Variants in ATXN1 observed in about 807,000 individuals in gnomAD.
ATXN1 encodes ataxin-1.
ATXN1 carries 8 observed loss-of-function variants against 56.4 expected under a neutral mutation model. That is an observed-to-expected ratio of 0.14 (90% CI 0.08 to 0.26). The LOEUF (loss-of-function observed/expected upper bound fraction) is 0.26. ATXN1 is among the 10% of genes least tolerant of loss of function. The pLI is 1.00. For missense variants in ATXN1, 987 were observed against 1,106.5 expected, an observed-to-expected ratio of 0.89 and a Z score of 1.53; for synonymous variants, 514 against 494.6, an observed-to-expected ratio of 1.04 and a Z score of -0.52.
chr6:16,656,186 A>AC (rs371945588), intron 3 of ATXN1, among the ~76,000 whole-genome samples: 6 of 151,706 alleles, frequency 4.0e-5, no homozygotes, highest in African/African-American at 9.7e-5. Context: ...GCCAGGAGGG[A>AC]CCCCCCGAGG....
chr6:16,487,380 G>T (rs1476086505), intron 5 of ATXN1, among the ~76,000 whole-genome samples: 1 of 152,048 alleles, frequency 6.6e-6, no homozygotes, highest in Non-Finnish European at 1.5e-5. Context: ...AGGCAAGAAT[G>T]AATAATAACA....
At chr6:16,543,316 G>T (rs1394836788) in intron 4 of ATXN1, among the ~76,000 whole-genome samples, 1 of 152,080 alleles carries the variant, frequency 6.6e-6, no homozygotes, top group Non-Finnish European at 1.5e-5. Context: ...CCCATGACAG[G>T]AAAACTGATA....
intron 3 of ATXN1, among the ~76,000 whole-genome samples, chr6:16,595,291 T>C (rs1024744082): frequency 1.6e-4 from 24 of 152,198 alleles, no homozygotes; most frequent in Admixed American, 3.3e-4. Context: ...TTCTTTCCTC[T>C]CCAAAAGAAT....
Position 16,304,000 on chromosome 6 carries a change from A to G in ATXN1, c.*2329T>C, listed in dbSNP as rs1375204712. 6.6e-6 allele frequency: 1 copy of G among 152,562 alleles called. No individual in the cohort carries two copies. Among genetic ancestry groups the G allele is most frequent in the Non-Finnish European group, 1.5e-5 (1 of 68,028 alleles). The allele number at this position is 152,562 out of a possible 1,614,324, so 9.5% of individuals were successfully genotyped here. On this transcript the variant is annotated 3_prime_UTR_variant, in exon 8 of 8. Coordinates refer to ENST00000436367, the MANE Select transcript of ATXN1 (RefSeq NM_001128164.2). The surrounding 1 kb of genome is among the most constrained non-coding windows in gnomAD (Gnocchi z 4.3). ...TGAGCCCACCCAGCTCTCTGCAAGC[A>G]TGCTGAGAGGGTAATGAAATTCGAG...
At chr6:16,421,849 T>C (rs1196274972) in intron 6 of ATXN1, among the ~76,000 whole-genome samples, 2 of 152,148 alleles carry the variant, frequency 1.3e-5, no homozygotes, top group Non-Finnish European at 2.9e-5. Flanking sequence ...TGACTGTGCA[T>C]GTATATGTAC....
chr6:16,402,592 T>C (rs1027664325), intron 6 of ATXN1, among the ~76,000 whole-genome samples: 2 of 152,202 alleles, frequency 1.3e-5, no homozygotes, highest in Non-Finnish European at 2.9e-5. Flanking sequence ...ACCAGATCTA[T>C]AATGCATGCA....
intron 4 of ATXN1, among the ~76,000 whole-genome samples, chr6:16,530,646 A>G (rs1431732040): frequency 6.6e-6 from 1 of 152,182 alleles, no homozygotes; most frequent in Non-Finnish European, 1.5e-5. Context: ...AAAATAACTA[A>G]TGGTTACTAG....
intron 4 of ATXN1, among the ~76,000 whole-genome samples, chr6:16,565,414 T>A (rs1056772281): frequency 2.0e-5 from 3 of 152,206 alleles, no homozygotes. Context: ...CTGATAAACA[T>A]GCCAAAATAT....
At chr6:16,714,066 A>G (rs1261367977) in intron 2 of ATXN1, among the ~76,000 whole-genome samples, 2 of 151,962 alleles carry the variant, frequency 1.3e-5, no homozygotes, top group African/African-American at 4.8e-5. Flanking sequence ...TGAGGCAGAG[A>G]ATCACTTGAA....
chr6:16,590,088 TA>T (rs200410883), intron 3 of ATXN1, among the ~76,000 whole-genome samples: 78 of 149,462 alleles, frequency 5.2e-4, no homozygotes, highest in African/African-American at 1.5e-3. Flanking sequence ...TTTCTTTTGC[TA>T]AAAAAAAAAT....
In ATXN1 at chr6:16,562,465, G is replaced by C. The variant is rs202157043; in HGVS notation, c.-361+23315C>G. On this transcript the variant is annotated intron_variant, in intron 4 of 7. Coordinates refer to ENST00000436367, the MANE Select transcript of ATXN1 (RefSeq NM_001128164.2). Reference sequence around the variant, plus strand: ...AGAAAAGAAAGAAAAGGAGAGGAGAGGAGAGGAGAGGAGAGGAGAGGAAAG... The same window carrying C: ...AGAAAAGAAAGAAAAGGAGAGGAGACGAGAGGAGAGGAGAGGAGAGGAAAG... Among the ~76,000 whole-genome samples the C allele has an allele frequency of 3.6e-4, 37 of 102,470 alleles. No individual in the cohort carries two copies. The East Asian group carries it at 0.014, about 38-fold the overall frequency. 67.2% of individuals were successfully genotyped at this position (102,470 alleles called of 152,430 possible).
intron 6 of ATXN1, among the ~76,000 whole-genome samples, chr6:16,479,109 T>C (rs1021721819): frequency 1.2e-4 from 18 of 152,172 alleles, no homozygotes; most frequent in Admixed American, 3.3e-4. Flanking sequence ...GTTTTGGAAA[T>C]AAAAGATTAT....
intron 3 of ATXN1, among the ~76,000 whole-genome samples, chr6:16,628,840 C>G (rs1191963441): frequency 6.6e-6 from 1 of 152,082 alleles, no homozygotes; most frequent in East Asian, 1.9e-4. Flanking sequence ...GTAATATGTA[C>G]CACATTTTTT....
At chr6:16,464,280 C>T (rs181465885) in intron 6 of ATXN1, among the ~76,000 whole-genome samples, 20 of 152,196 alleles carry the variant, frequency 1.3e-4, no homozygotes, top group African/African-American at 4.6e-4. Context: ...GTAAAACGCA[C>T]CAATTAGTGC....
At chr6:16,704,724 G>C (rs899561344) in intron 2 of ATXN1, among the ~76,000 whole-genome samples, 1 of 152,184 alleles carries the variant, frequency 6.6e-6, no homozygotes, top group Non-Finnish European at 1.5e-5. Context: ...GGGGCTGCTG[G>C]AATGCAAGTG....
At chr6:16,488,198 C>T (rs1293021418) in intron 5 of ATXN1, among the ~76,000 whole-genome samples, 5 of 152,182 alleles carry the variant, frequency 3.3e-5, no homozygotes, top group African/African-American at 1.2e-4. Context: ...CACCCCAAGT[C>T]ACTCCGTTAT....
intron 5 of ATXN1, among the ~76,000 whole-genome samples, chr6:16,493,087 C>G (rs760542963): frequency 6.6e-6 from 1 of 152,178 alleles, no homozygotes; most frequent in Non-Finnish European, 1.5e-5. Flanking sequence ...TCAATGCTTT[C>G]TCTCTCTAAA....
intron 7 of ATXN1, among the ~76,000 whole-genome samples, chr6:16,324,053 G>A (rs567861184): frequency 6.6e-6 from 1 of 152,208 alleles, no homozygotes; most frequent in Non-Finnish European, 1.5e-5. Flanking sequence ...TCTCGGCAAT[G>A]CAGGGCCCCG....
chr6:16,668,049 A>C (rs1457714651), intron 2 of ATXN1, among the ~76,000 whole-genome samples: 1 of 152,136 alleles, frequency 6.6e-6, no homozygotes, highest in African/African-American at 2.4e-5. Context: ...CTATTAATAG[A>C]TGACAGATGT....
Sources: allele counts gnomAD v4.1 joint callset (sites outside exome capture counted in the v4.1 genomes callset), GRCh38; gene constraint gnomAD v4.1.1; non-coding constraint Gnocchi (gnomAD v3.1); transcripts MANE v1.5; gene names NCBI Gene and HGNC (gene_info 2026-07-23, HGNC 2026-07-21).